The following TMC5 variants were observed in gnomAD, a reference collection of about 807,000 sequenced individuals.
TMC5 encodes transmembrane channel like 5, also known as transmembrane channel-like protein 5.
A neutral mutation model predicts 110.5 loss-of-function variants in TMC5; 86 were observed. That is an observed-to-expected ratio of 0.78 (90% confidence interval 0.65 to 0.93). The LOEUF (loss-of-function observed/expected upper bound fraction) is 0.93, where lower values mean the gene tolerates loss of function less well. TMC5 is among the 40% of genes least tolerant of loss of function. TMC5 has a pLI of 0.00. For missense variants in TMC5, 1,144 were observed against 1,222.8 expected (o/e 0.94, Z 0.96); for synonymous variants, 455 against 439.5 (o/e 1.04, Z -0.44).
rs113745370 is a variant in TMC5 at position 19,476,984 on chromosome 16, C to T, written c.2091-456C>T. ...CACATTAGCTGGGTGTGGTGGCTCACGCCTGTAATCCCAGCACTTTGGGAG... is the reference window on the plus strand; with the variant it reads ...CACATTAGCTGGGTGTGGTGGCTCATGCCTGTAATCCCAGCACTTTGGGAG... On this transcript the variant is annotated intron_variant, in intron 12 of 21. Transcript: ENST00000542583. 1,529 of 173,338 alleles carry T rather than the reference C, an allele frequency of 8.8e-3. 23 individuals carry two copies. The highest frequency in any genetic ancestry group is 0.035 in the African/African-American group (1,448 of 41,642). The allele number at this position is 173,338 out of a possible 1,614,324, so 10.7% of individuals were successfully genotyped here.
intron 2 of TMC5, among the ~76,000 whole-genome samples, 156 bp downstream of exon 2, chr16:19,430,796 T>C (rs1197443287): frequency 6.6e-6 from 1 of 151,994 alleles, no homozygotes; most frequent in Non-Finnish European, 1.5e-5. Flanking sequence ...TATCCTTAGA[T>C]GGCAAAACAG....
upstream of TMC5, among the ~76,000 whole-genome samples, chr16:19,415,764 G>A (rs1476979620): frequency 6.6e-6 from 1 of 152,056 alleles, no homozygotes; most frequent in South Asian, 2.1e-4. Context: ...CTGTCTTCTT[G>A]GAAACCACCA....
At position 19,486,931 on chromosome 16, in the gene TMC5, T is replaced by G. The variant is rs759119316; in HGVS notation, c.2364-14T>G. The G allele has an allele frequency of 6.2e-7, 1 of 1,612,814 alleles. No homozygotes were observed. The highest frequency in any genetic ancestry group is 2.2e-5 in the East Asian group (1 of 44,874). On this transcript the variant is annotated splice_polypyrimidine_tract_variant and intron_variant, in intron 15 of 21. Coordinates refer to ENST00000542583, the MANE Select transcript of TMC5 (RefSeq NM_001261841.2). ...CTCCGCCAGCCTCTGACACTCACCC[T>G]CTCTCCCTCACAGGATTGGCATCTT... is the stretch of plus-strand genomic sequence containing the variant.
At chr16:19,414,379 A>C, upstream of TMC5, among the ~76,000 whole-genome samples, 1 of 152,188 alleles carries the variant, frequency 6.6e-6, no homozygotes, top group South Asian at 2.1e-4. Flanking sequence ...TTATTTATAA[A>C]AATATTTTCA....
At chr16:19,465,044 TTTCTTTCTTTC>T (rs1438625352) in intron 8 of TMC5, among the ~76,000 whole-genome samples, 2 of 102,610 alleles carry the variant, frequency 1.9e-5, no homozygotes, top group African/African-American at 9.9e-5. Flanking sequence ...TCTTTCTTTC[TTTCTTTCTTTC>T]TTTTCCTTCC....
At chr16:19,438,410 A>AAAG (rs1967398896) in intron 2 of TMC5, among the ~76,000 whole-genome samples, 1 of 109,668 alleles carries the variant, frequency 9.1e-6, no homozygotes, top group African/African-American at 3.5e-5. Flanking sequence ...AAAAAAAAAG[A>AAAG]AGAAAGAAAA....
intron 13 of TMC5, among the ~76,000 whole-genome samples, chr16:19,478,273 A>G (rs1219031040): frequency 6.6e-6 from 1 of 152,156 alleles, no homozygotes; most frequent in Non-Finnish European, 1.5e-5. Context: ...AGGAATCAGG[A>G]GTCTCTCTCT....
intron 6 of TMC5, chr16:19,462,555 C>G: frequency 1.4e-6 from 1 of 701,956 alleles, no homozygotes; most frequent in African/African-American, 1.7e-5. Flanking sequence ...AAAGGCACAT[C>G]TTACGTGGTG....
chr16:19,441,363 A>G (rs937462383), intron 3 of TMC5, among the ~76,000 whole-genome samples: 3 of 149,930 alleles, frequency 2.0e-5, no homozygotes, highest in Admixed American at 1.3e-4. Context: ...TATGTCACCC[A>G]GGTTGGAGTG....
intron 1 of TMC5, among the ~76,000 whole-genome samples, chr16:19,426,911 C>A (rs1006677066): frequency 2.6e-5 from 4 of 152,134 alleles, no homozygotes; most frequent in Non-Finnish European, 5.9e-5. Flanking sequence ...GCTAAATTCC[C>A]AGGTCCCACT....
chr16:19,434,235 T>C (rs1329658064), intron 2 of TMC5, among the ~76,000 whole-genome samples: 1 of 123,902 alleles, frequency 8.1e-6, no homozygotes, highest in Non-Finnish European at 1.6e-5. Flanking sequence ...ATATATATAA[T>C]ATATATCTAT....
At chr16:19,489,791 ATTTCT>A (rs1020037124) in intron 17 of TMC5, among the ~76,000 whole-genome samples, 1 of 146,180 alleles carries the variant, frequency 6.8e-6, no homozygotes, top group Non-Finnish European at 1.5e-5. Context: ...CTTTAATTTC[ATTTCT>A]TTTTTTTTTT....
chr16:19,430,045 C>T (rs1030037769), intron 1 of TMC5, among the ~76,000 whole-genome samples: 1 of 152,036 alleles, frequency 6.6e-6, no homozygotes, highest in Non-Finnish European at 1.5e-5. Flanking sequence ...ACAGTGGTCA[C>T]GGTATGAACA....
chr16:19,469,832 C>T lies in TMC5; in HGVS notation c.1782+7C>T. 6.2e-7 allele frequency: 1 copy of T among 1,613,606 alleles called. No individual in the cohort carries two copies. Among genetic ancestry groups the T allele is most frequent in the Non-Finnish European group, 8.5e-7 (1 of 1,179,716 alleles). On this transcript the variant is annotated splice_region_variant and intron_variant, in intron 10 of 21. Coordinates refer to ENST00000542583, the MANE Select transcript of TMC5 (RefSeq NM_001261841.2). Reference sequence around the variant, plus strand: ...TCTTAGCACTGAGATAAGGGTAAGGCGAGCTCACTTTACTCATTTGCCATC... The same window carrying T: ...TCTTAGCACTGAGATAAGGGTAAGGTGAGCTCACTTTACTCATTTGCCATC...
At chr16:19,463,730 T>C in intron 7 of TMC5, 46 bp from the exon 8 acceptor site, 2 of 1,596,728 alleles carry the variant, frequency 1.3e-6, no homozygotes, top group Non-Finnish European at 8.5e-7. Context: ...AGTCGATATT[T>C]GTTGAGTCAA....
intron 18 of TMC5, among the ~76,000 whole-genome samples, chr16:19,491,299 C>T (rs571610523): frequency 6.6e-6 from 1 of 152,126 alleles, no homozygotes; most frequent in Non-Finnish European, 1.5e-5. Context: ...TGTTAGCCAC[C>T]TTGCCCAAGC....
intron 5 of TMC5, among the ~76,000 whole-genome samples, chr16:19,454,744 G>A (rs971513659): frequency 6.6e-6 from 1 of 152,160 alleles, no homozygotes; most frequent in African/African-American, 2.4e-5. Flanking sequence ...CTAGGCCTAG[G>A]TGATTTGAAA....
intron 5 of TMC5, among the ~76,000 whole-genome samples, chr16:19,455,227 C>G (rs908800464): frequency 4.6e-5 from 7 of 151,868 alleles, no homozygotes; most frequent in Admixed American, 1.3e-4. Flanking sequence ...GCAGGCGAAT[C>G]ACTTGAGGTC....
intron 1 of TMC5, among the ~76,000 whole-genome samples, chr16:19,418,439 A>T (rs1966905090): frequency 6.6e-6 from 1 of 152,104 alleles, no homozygotes; most frequent in African/African-American, 2.4e-5. Context: ...TCCCACTTCC[A>T]CAGGTGGATA....
Sources: gnomAD v4.1 joint callset for allele counts (sites outside exome capture counted in the v4.1 genomes callset) on GRCh38, gnomAD v4.1.1 for gene constraint, MANE v1.5 for transcripts, NCBI Gene and HGNC (gene_info 2026-07-23, HGNC 2026-07-21) for gene names.